MAP3K4: variants seen among roughly 807,000 people sequenced by gnomAD.
MAP3K4 encodes mitogen-activated protein kinase kinase kinase 4, also known as MAP three kinase 1.
Under a neutral mutation model 185.6 loss-of-function variants are expected in MAP3K4, and 67 were observed. That is an observed-to-expected ratio of 0.36 (90% CI 0.30 to 0.44). The LOEUF is 0.44. MAP3K4 is among the 20% of genes least tolerant of loss of function. The probability of loss-of-function intolerance (pLI) is 1.00; values close to 1 mark genes in which losing one functional copy is unlikely to be tolerated. For missense variants in MAP3K4, 1,551 were observed against 1,995.1 expected (o/e 0.78, Z 4.24); for synonymous variants, 702 against 710.4 (o/e 0.99, Z 0.19).
Position 161,073,796 on chromosome 6 carries a change from G to T in MAP3K4, c.2097+184G>T, listed in dbSNP as rs143601486. On this transcript the variant is annotated intron_variant, in intron 5 of 26. Coordinates refer to ENST00000392142, the MANE Select transcript of MAP3K4 (RefSeq NM_005922.4). The surrounding 1 kb of genome is among the most constrained non-coding windows in gnomAD (Gnocchi z 4.2). ...TGTGTGTGTATTGCGGAGGGCGGTG[G>T]TGGTGATCTTGAATCAGAGTCTTTC... 2.9e-3 allele frequency among the ~76,000 whole-genome samples: 441 copies of T among 152,206 alleles called. 4 individuals are homozygous for T. The highest frequency in any genetic ancestry group is 0.01 in the African/African-American group (427 of 41,534).
intron 1 of MAP3K4, among the ~76,000 whole-genome samples, chr6:161,026,337 A>T (rs62435484): frequency 2.7e-4 from 41 of 151,632 alleles, no homozygotes; most frequent in Non-Finnish European, 5.2e-4. Flanking sequence ...GGGTTTCACC[A>T]TGTTAGCCAG....
intron 1 of MAP3K4, among the ~76,000 whole-genome samples, chr6:161,019,082 G>T (rs1321759484): frequency 6.6e-6 from 1 of 152,184 alleles, no homozygotes; most frequent in Non-Finnish European, 1.5e-5. Context: ...TGTGTATTGA[G>T]TTTTAGGAGA....
Position 161,107,535 on chromosome 6 carries a change from C to G in MAP3K4, c.4049-364C>G, listed in dbSNP as rs374377335. On this transcript the variant is annotated intron_variant, in intron 20 of 26. Coordinates refer to ENST00000392142, the MANE Select transcript of MAP3K4 (RefSeq NM_005922.4). This position sits in a 1 kb window ranked among gnomAD's most constrained non-coding sequence, Gnocchi z 6.2. ...AGGAAGACAATGGTCAGGCTTAGTC[C>G]TGGCTGTTTTCTGCTGCTCCCAGCC... Among the ~76,000 whole-genome samples, 40 of 152,284 alleles carry G rather than the reference C, an allele frequency of 2.6e-4. 1 individual carries two copies. In the East Asian group the frequency reaches 6.6e-3, roughly 25 times the overall value.
At chr6:161,013,008 C>G (rs1210474488) in intron 1 of MAP3K4, among the ~76,000 whole-genome samples, 3 of 152,168 alleles carry the variant, frequency 2.0e-5, no homozygotes, top group Non-Finnish European at 4.4e-5. Flanking sequence ...ATACCACAAG[C>G]TTTTCTGGCT....
In MAP3K4 at chr6:161,112,714, T is replaced by C. The variant is rs200594550; in HGVS notation, c.4566T>C (p.His1522=). 2 of 1,608,822 alleles carry C rather than the reference T, an allele frequency of 1.2e-6. No individual in the cohort carries two copies. Among genetic ancestry groups the C allele is most frequent in the East Asian group, 2.2e-5 (1 of 44,672 alleles). The change falls in exon 25 of 27, where the codon CAT becomes CAC. Residue 1522 remains histidine (H), a synonymous_variant. Coordinates refer to ENST00000392142, the MANE Select transcript of MAP3K4 (RefSeq NM_005922.4). The surrounding 1 kb of genome is among the most constrained non-coding windows in gnomAD (Gnocchi z 5.1). ...TCACTCGTGCCAAAGGAGAGGGCCA[T>C]GGGCGTGCGGCCGACATCTGGAGTC... The part of the protein sequence containing the change: ...EVITRAKGEG[H]GRAADIWSLG...
At chr6:161,026,080 C>CCTGTGCTCCCTGCTG (rs1244136981) in intron 1 of MAP3K4, among the ~76,000 whole-genome samples, 1 of 152,164 alleles carries the variant, frequency 6.6e-6, no homozygotes, top group Non-Finnish European at 1.5e-5. Flanking sequence ...CATGCTCCCA[C>CCTGTGCTCCCTGCTG]CTGTGCTCCC....
chr6:161,024,087 C>T (rs1229056373), intron 1 of MAP3K4, among the ~76,000 whole-genome samples: 4 of 152,130 alleles, frequency 2.6e-5, no homozygotes, highest in African/African-American at 9.7e-5. Context: ...TTGCTTCACC[C>T]TCCTGAGTAG....
chr6:161,093,861 C>T lies in MAP3K4; in HGVS notation c.3427+10C>T. The T allele has an allele frequency of 6.3e-7, 1 of 1,593,890 alleles. No homozygotes were observed. ...ACAGGTTTGTACCTTGGTAAGACAGCCGTTAACAGCATTTCTTCTGGAACA... is the reference window on the plus strand; with the variant it reads ...ACAGGTTTGTACCTTGGTAAGACAGTCGTTAACAGCATTTCTTCTGGAACA... On this transcript the variant is annotated intron_variant, in intron 15 of 26. Transcript: ENST00000392142. The surrounding 1 kb of genome is among the most constrained non-coding windows in gnomAD (Gnocchi z 5.2).
Position 161,070,546 on chromosome 6 carries a change from A to G in MAP3K4, c.1708-62A>G. ...TTGTAGAGAATAAGAGTTTATAACC[A>G]CAACCGTAGAACGTTGTCTCGTATG... On this transcript the variant is annotated intron_variant, in intron 3 of 26. Transcript: ENST00000392142. This position sits in a 1 kb window ranked among gnomAD's most constrained non-coding sequence, Gnocchi z 4.5. The G allele has an allele frequency of 6.8e-7, 1 of 1,478,268 alleles. No homozygotes were observed. The highest frequency in any genetic ancestry group is 9.2e-7 in the Non-Finnish European group (1 of 1,087,818). The allele number at this position is 1,478,268 out of a possible 1,614,324, so 91.6% of individuals were successfully genotyped here.
At chr6:161,016,627 C>A (rs921201843) in intron 1 of MAP3K4, among the ~76,000 whole-genome samples, 4 of 152,166 alleles carry the variant, frequency 2.6e-5, no homozygotes, top group African/African-American at 9.7e-5. Flanking sequence ...TTTGGCACCC[C>A]AGTTGAAAAT....
Position 160,991,930 on chromosome 6 carries a change from G to A in MAP3K4, c.-2G>A. 1.3e-6 allele frequency: 2 copies of A among 1,534,754 alleles called. No individual in the cohort carries two copies. Among genetic ancestry groups the A allele is most frequent in the Non-Finnish European group, 1.7e-6 (2 of 1,148,880 alleles). Reference sequence around the variant, plus strand: ...CGCGGCCATGCGGGGCTCCGTGCACGGATGAGAGAAGCCGCTGCCGCGCTG... The same window carrying A: ...CGCGGCCATGCGGGGCTCCGTGCACAGATGAGAGAAGCCGCTGCCGCGCTG... On this transcript the variant is annotated 5_prime_UTR_variant, in exon 1 of 27. Coordinates refer to ENST00000392142, the MANE Select transcript of MAP3K4 (RefSeq NM_005922.4). This position sits in a 1 kb window ranked among gnomAD's most constrained non-coding sequence, Gnocchi z 5.7.
intron 23 of MAP3K4, among the ~76,000 whole-genome samples, chr6:161,111,073 C>T (rs1319565171): frequency 6.6e-6 from 1 of 152,186 alleles, no homozygotes; most frequent in Non-Finnish European, 1.5e-5. Context: ...ATCAAGCTGC[C>T]CCTCGTAGTC....
chr6:161,093,325 C>T lies in MAP3K4; in HGVS notation c.3348+269C>T, dbSNP rs778580151. Among the ~76,000 whole-genome samples, 1 of 152,166 alleles carries T rather than the reference C, an allele frequency of 6.6e-6. No individual in the cohort carries two copies. Among genetic ancestry groups the T allele is most frequent in the Non-Finnish European group, 1.5e-5 (1 of 68,030 alleles). On this transcript the variant is annotated intron_variant, in intron 14 of 26. Coordinates refer to ENST00000392142, the MANE Select transcript of MAP3K4 (RefSeq NM_005922.4). This position sits in a 1 kb window ranked among gnomAD's most constrained non-coding sequence, Gnocchi z 5.2. The stretch of plus-strand genomic sequence containing the variant: ...ATTTGTGAGATTTATATTTTTACTG[C>T]CATCATAGCTGCTGCTTTGGGGCAG...
intron 1 of MAP3K4, among the ~76,000 whole-genome samples, chr6:160,992,999 T>A (rs6930167): frequency 0.028 from 4,265 of 152,222 alleles, 135 homozygotes; most frequent in African/African-American, 0.076. Context: ...CTTGGCATCT[T>A]ATGGTCTTGC....
In MAP3K4 at chr6:161,116,681, C is replaced by T. The variant is rs774825170; in HGVS notation, c.4807-169C>T. Among the ~76,000 whole-genome samples the T allele has an allele frequency of 3.3e-5, 5 of 152,226 alleles. No homozygotes were observed. Among genetic ancestry groups the T allele is most frequent in the Non-Finnish European group, 5.9e-5 (4 of 68,032 alleles). ...GGCTTAACTTTAGAGCAGTAACTTA[C>T]CTCTGCCATTGTTCATTACATTTCT... On this transcript the variant is annotated intron_variant, in intron 26 of 26. Coordinates refer to ENST00000392142, the MANE Select transcript of MAP3K4 (RefSeq NM_005922.4). This position sits in a 1 kb window ranked among gnomAD's most constrained non-coding sequence, Gnocchi z 6.2.
intron 3 of MAP3K4, among the ~76,000 whole-genome samples, chr6:161,068,871 G>A (rs930548112): frequency 1.3e-5 from 2 of 152,172 alleles, no homozygotes; most frequent in Non-Finnish European, 2.9e-5. Context: ...GATAATAGCC[G>A]TAAAAATTAG....
rs181895700 is a variant in MAP3K4 at position 161,077,329 on chromosome 6, A to C, written c.2098-3552A>C. Among the ~76,000 whole-genome samples the C allele has an allele frequency of 1.3e-5, 2 of 152,232 alleles. No individual in the cohort carries two copies. Among genetic ancestry groups the C allele is most frequent in the Admixed American group, 6.5e-5 (1 of 15,290 alleles). On this transcript the variant is annotated intron_variant, in intron 5 of 26. Transcript: ENST00000392142. This position sits in a 1 kb window ranked among gnomAD's most constrained non-coding sequence, Gnocchi z 4.3. Reference sequence around the variant, plus strand: ...AATAAAAATTAAAGAAAAATCAACAAGAACATATCTAAAGCAAATATGACA... The same window carrying C: ...AATAAAAATTAAAGAAAAATCAACACGAACATATCTAAAGCAAATATGACA...
At position 161,007,988 on chromosome 6, in the gene MAP3K4, C is replaced by A. The variant is rs553784011; in HGVS notation, c.152+15905C>A. Among the ~76,000 whole-genome samples, 1 of 152,184 alleles carries A rather than the reference C, an allele frequency of 6.6e-6. No individual in the cohort carries two copies. Among genetic ancestry groups the A allele is most frequent in the Admixed American group, 6.5e-5 (1 of 15,282 alleles). ...GCCTTGACTCTTGCTTCTAATTAAA[C>A]TTTTTATGTGATAAATATGGTAAGG... On this transcript the variant is annotated intron_variant, in intron 1 of 26. Transcript: ENST00000392142. This position sits in a 1 kb window ranked among gnomAD's most constrained non-coding sequence, Gnocchi z 4.5.
At chr6:161,018,253 AAATT>A (rs2115102499) in intron 1 of MAP3K4, among the ~76,000 whole-genome samples, 1 of 152,276 alleles carries the variant, frequency 6.6e-6, no homozygotes, top group African/African-American at 2.4e-5. Flanking sequence ...GAGCTCCAGA[AAATT>A]TATATAAGGC....
Sources: allele counts gnomAD v4.1 joint callset (sites outside exome capture counted in the v4.1 genomes callset), GRCh38; gene constraint gnomAD v4.1.1; non-coding constraint Gnocchi (gnomAD v3.1); transcripts MANE v1.5; gene names NCBI Gene and HGNC (gene_info 2026-07-23, HGNC 2026-07-21).